The following ZDHHC15 variants were observed in gnomAD, a reference collection of about 807,000 sequenced individuals.
The protein encoded by ZDHHC15 is zDHHC palmitoyltransferase 15, also known as palmitoyltransferase ZDHHC15.
A neutral mutation model predicts 31.7 loss-of-function variants in ZDHHC15; 19 were observed. The ratio of observed to expected loss-of-function variants is 0.60; its 90% confidence interval spans 0.42 to 0.88. ZDHHC15 has a LOEUF of 0.88. Ranked by LOEUF, ZDHHC15 falls within the 40% of genes least tolerant of loss-of-function variation. The pLI is 0.00. For missense variants in ZDHHC15, 209 were observed against 251.2 expected (o/e 0.83, Z 1.14); for synonymous variants, 103 against 90.0 (o/e 1.14, Z -0.82).
At chrX:75,422,792 A>G (rs1368177932) in intron 8 of ZDHHC15, among the ~76,000 whole-genome samples, 2 of 110,484 alleles carry the variant, frequency 1.8e-5, no homozygotes, top group African/African-American at 6.6e-5. Flanking sequence ...AATGGGTGCA[A>G]ATACTTTTTT....
At chrX:75,517,603 G>A (rs1433592731) in intron 1 of ZDHHC15, among the ~76,000 whole-genome samples, 2 of 75,914 alleles carry the variant, frequency 2.6e-5, no homozygotes, top group African/African-American at 9.9e-5. Flanking sequence ...GGGGGGAGGG[G>A]GGAGGGATAG....
intron 10 of ZDHHC15, among the ~76,000 whole-genome samples, chrX:75,382,290 C>T (rs780472336): frequency 1.2e-4 from 13 of 112,159 alleles, no homozygotes; most frequent in Non-Finnish European, 2.1e-4. Flanking sequence ...CAGGAACACA[C>T]ACCAATTTAG....
intron 4 of ZDHHC15, among the ~76,000 whole-genome samples, chrX:75,432,454 T>A (rs2083792369): frequency 1.8e-5 from 2 of 112,046 alleles, no homozygotes; most frequent in Admixed American, 1.9e-4. Flanking sequence ...CTAATGGAAG[T>A]ATGTGAGTGA....
chrX:75,399,987 T>C (rs1179104781), intron 10 of ZDHHC15, among the ~76,000 whole-genome samples: 1 of 111,678 alleles, frequency 9.0e-6, no homozygotes, highest in Non-Finnish European at 1.9e-5. Flanking sequence ...GTACTCAAGC[T>C]ACACTGCAGT....
At position 75,515,564 on chromosome X, in the gene ZDHHC15, G is replaced by A. The variant is rs2085343074; in HGVS notation, c.136+7325C>T. On this transcript the variant is annotated intron_variant, in intron 1 of 11. Transcript: ENST00000373367. ...CATTCTAAAAACTCTCAATAAACTAGGTATTGATGGAATGTATCTCAAAAT... is the reference window on the plus strand; with the variant it reads ...CATTCTAAAAACTCTCAATAAACTAAGTATTGATGGAATGTATCTCAAAAT... Among the ~76,000 whole-genome samples the A allele has an allele frequency of 3.6e-5, 4 of 111,633 alleles. No homozygotes were observed. In the Admixed American group the frequency reaches 3.8e-4, roughly 11 times the overall value.
At chrX:75,473,130 G>T (rs2084530540) in intron 3 of ZDHHC15, among the ~76,000 whole-genome samples, 1 of 111,914 alleles carries the variant, frequency 8.9e-6, no homozygotes, top group African/African-American at 3.2e-5. Flanking sequence ...ACGTGAGGCA[G>T]TGGGCTCATG....
chrX:75,405,001 G>C (rs1460440587), intron 10 of ZDHHC15, among the ~76,000 whole-genome samples: 1 of 112,065 alleles, frequency 8.9e-6, no homozygotes, highest in Admixed American at 9.4e-5. Flanking sequence ...TGACAGACTG[G>C]ATAAAGAAAA....
intron 2 of ZDHHC15, among the ~76,000 whole-genome samples, chrX:75,493,299 C>A (rs1321219732): frequency 8.9e-6 from 1 of 111,834 alleles, no homozygotes; most frequent in East Asian, 2.8e-4. Flanking sequence ...TAATAGCTTA[C>A]TAACCAAAAA....
chrX:75,497,081 A>C (rs1268679500), intron 2 of ZDHHC15, among the ~76,000 whole-genome samples: 2 of 112,138 alleles, frequency 1.8e-5, no homozygotes, highest in Non-Finnish European at 3.8e-5. Context: ...AAATCAATAG[A>C]CCATTAGCGA....
rs35921625 is a variant in ZDHHC15, at chrX:75,506,039, A to G, written c.137-192T>C. 9.3e-3 allele frequency among the ~76,000 whole-genome samples: 1,037 copies of G among 111,766 alleles called. 13 individuals are homozygous for G. The highest frequency in any genetic ancestry group is 0.016 in the Non-Finnish European group (830 of 53,051). On this transcript the variant is annotated intron_variant, in intron 1 of 11. Transcript: ENST00000373367. Reference sequence around the variant, plus strand: ...GGGAAGGCAAGGGTGATTACATTCCATCCTTTGCTATCTTCCTTTGTCTTA... The same window carrying G: ...GGGAAGGCAAGGGTGATTACATTCCGTCCTTTGCTATCTTCCTTTGTCTTA...
At chrX:75,378,459 T>C (rs762964981) in intron 11 of ZDHHC15, among the ~76,000 whole-genome samples, 1 of 112,131 alleles carries the variant, frequency 8.9e-6, no homozygotes, top group African/African-American at 3.2e-5. Context: ...TTCTGAATAA[T>C]TGCTAGCTTT....
chrX:75,457,288 C>A (rs5938075), intron 3 of ZDHHC15, among the ~76,000 whole-genome samples: 10 of 108,979 alleles, frequency 9.2e-5, no homozygotes, highest in African/African-American at 3.3e-4. Context: ...TGGATATCCT[C>A]TTGTGAAATA....
intron 11 of ZDHHC15, among the ~76,000 whole-genome samples, chrX:75,378,830 G>A (rs2083085827): frequency 9.0e-6 from 1 of 111,217 alleles, no homozygotes; most frequent in Non-Finnish European, 1.9e-5. Flanking sequence ...ATAATTCACA[G>A]TATGAGAGTA....
intron 4 of ZDHHC15, among the ~76,000 whole-genome samples, chrX:75,436,701 C>T (rs998752961): frequency 4.5e-5 from 5 of 112,003 alleles, no homozygotes; most frequent in Admixed American, 9.5e-5. Flanking sequence ...TGAGAAAGTA[C>T]TTGAAATAAT....
intron 4 of ZDHHC15, among the ~76,000 whole-genome samples, chrX:75,446,572 T>A (rs1318452325): frequency 8.9e-6 from 1 of 112,237 alleles, no homozygotes; most frequent in Non-Finnish European, 1.9e-5. Context: ...CACTCACTCA[T>A]GGTTGATCAC....
intron 1 of ZDHHC15, among the ~76,000 whole-genome samples, chrX:75,516,637 A>C: frequency 8.9e-6 from 1 of 112,310 alleles, no homozygotes; most frequent in Non-Finnish European, 1.9e-5. Flanking sequence ...AAAACCCTAC[A>C]AGAAAACCCA....
At chrX:75,468,917 T>C (rs1015053829) in intron 3 of ZDHHC15, among the ~76,000 whole-genome samples, 5 of 112,113 alleles carry the variant, frequency 4.5e-5, no homozygotes, top group African/African-American at 1.6e-4. Flanking sequence ...TTGTTTGTTT[T>C]CTTGTTGTTT....
intron 10 of ZDHHC15, among the ~76,000 whole-genome samples, chrX:75,407,379 G>T (rs1234325008): frequency 1.8e-5 from 2 of 109,605 alleles, no homozygotes; most frequent in Non-Finnish European, 3.8e-5. Context: ...CCTGGCAGCC[G>T]CCCCGTCCAG....
chrX:75,505,335 C>T (rs1030360016), intron 2 of ZDHHC15, among the ~76,000 whole-genome samples: 2 of 111,312 alleles, frequency 1.8e-5, no homozygotes, highest in African/African-American at 6.5e-5. Context: ...TGGAAAAATG[C>T]CACAATCTCT....
Sources: allele counts gnomAD v4.1 joint callset (sites outside exome capture counted in the v4.1 genomes callset), GRCh38; gene constraint gnomAD v4.1.1; transcripts MANE v1.5; gene names NCBI Gene and HGNC (gene_info 2026-07-23, HGNC 2026-07-21).